Variants in SP100 observed in about 807,000 individuals in gnomAD.
SP100 encodes the protein nuclear autoantigen Sp-100.
In SP100, 84 loss-of-function variants were observed where a neutral mutation model predicts 130.0. The observed-to-expected ratio is 0.65, with a 90% CI of 0.54 to 0.77. The LOEUF (loss-of-function observed/expected upper bound fraction) is 0.77, where lower values mean the gene tolerates loss of function less well. Among genes scored for constraint, SP100 ranks in the 30% least tolerant of loss-of-function variants. The probability of loss-of-function intolerance (pLI) is 0.00; values close to 1 mark genes in which losing one functional copy is unlikely to be tolerated. For missense variants in SP100, 978 were observed against 1,052.2 expected, an observed-to-expected ratio of 0.93 and a Z score of 0.97; for synonymous variants, 331 against 351.7, an observed-to-expected ratio of 0.94 and a Z score of 0.66.
chr2:230,519,665 A>C (rs1001768673), intron 24 of SP100, among the ~76,000 whole-genome samples: 1 of 152,204 alleles, frequency 6.6e-6, no homozygotes, highest in Non-Finnish European at 1.5e-5. Flanking sequence ...AATCAGAAAT[A>C]GTGTGGGATG....
chr2:230,538,476 T>A (rs971368958), intron 24 of SP100: 1 of 152,214 alleles, frequency 6.6e-6, no homozygotes, highest in Non-Finnish European at 1.5e-5. Flanking sequence ...CCCTTGGAGA[T>A]GTGCCCAAGA....
intron 8 of SP100, among the ~76,000 whole-genome samples, chr2:230,454,238 C>T (rs1330885862): frequency 1.3e-5 from 2 of 151,920 alleles, no homozygotes; most frequent in African/African-American, 4.8e-5. Flanking sequence ...TTCAAAAAGC[C>T]AGTGCTTTGT....
intron 2 of SP100, among the ~76,000 whole-genome samples, chr2:230,426,115 T>G (rs910918569): frequency 6.6e-6 from 1 of 152,158 alleles, no homozygotes; most frequent in African/African-American, 2.4e-5. Context: ...ATTTATAAGT[T>G]TATTTATTTG....
chr2:230,517,443 G>A (rs1279925404), intron 24 of SP100, among the ~76,000 whole-genome samples: 1 of 152,000 alleles, frequency 6.6e-6, no homozygotes, highest in Non-Finnish European at 1.5e-5. Flanking sequence ...ACTTAATAAA[G>A]ACAATACAGG....
intron 3 of SP100, among the ~76,000 whole-genome samples, chr2:230,443,613 A>G (rs2063556345): frequency 6.6e-6 from 1 of 152,066 alleles, no homozygotes; most frequent in Non-Finnish European, 1.5e-5. Context: ...TCTCCAACAC[A>G]TTTGTTTTCT....
At chr2:230,504,123 T>G in intron 20 of SP100, 63 bp from the exon 21 acceptor site, 1 of 824,570 alleles carries the variant, frequency 1.2e-6, no homozygotes, top group Non-Finnish European at 2.1e-6. Context: ...TCAAGACAGG[T>G]GGGGAGGGAC....
intron 24 of SP100, among the ~76,000 whole-genome samples, chr2:230,530,488 C>T (rs993109483): frequency 6.6e-6 from 1 of 152,166 alleles, no homozygotes; most frequent in Admixed American, 6.5e-5. Context: ...TAGAAGAAAA[C>T]CTAGGCAATA....
intron 17 of SP100, among the ~76,000 whole-genome samples, chr2:230,485,888 G>T (rs1429568785): frequency 2.0e-5 from 3 of 152,112 alleles, no homozygotes; most frequent in Non-Finnish European, 4.4e-5. Context: ...TTTTTTAAAA[G>T]TCAACACTCT....
rs570862274 is a variant in SP100 at position 230,483,985 on chromosome 2, C to T, written c.1600+9538C>T. On this transcript the variant is annotated intron_variant, in intron 17 of 28. Transcript: ENST00000340126. ...TTATTACTATTGAACTCATATCCAACAGCACTATATCTCATGCCTGAACAA... is the reference window on the plus strand; with the variant it reads ...TTATTACTATTGAACTCATATCCAATAGCACTATATCTCATGCCTGAACAA... 2.3e-4 allele frequency among the ~76,000 whole-genome samples: 35 copies of T among 152,300 alleles called. No homozygotes were observed. The South Asian group carries it at 7.0e-3, about 31-fold the overall frequency.
intron 15 of SP100, 98 bp from the exon 16 acceptor site, chr2:230,473,226 T>A: frequency 1.4e-6 from 1 of 733,074 alleles, no homozygotes. Flanking sequence ...CATCCCTTAA[T>A]TTAGCTGTGG....
intron 11 of SP100, 52 bp downstream of exon 11, chr2:230,464,202 T>A (rs771990711): frequency 1.8e-6 from 2 of 1,102,068 alleles, no homozygotes; most frequent in Non-Finnish European, 2.8e-6. Context: ...AGAGTACAAA[T>A]CCAGAGCTCT....
Position 230,462,487 on chromosome 2 carries a change from A to T in SP100, c.1026A>T (p.Glu342Asp). The change falls in exon 10 of 29, where the codon GAA (glutamate) becomes GAT (aspartate). Residue 342 changes from glutamate to aspartate, a missense_variant. Transcript: ENST00000340126. Reference protein sequence around the residue: ...EGSTDVDEPLEVFISAPRSEP... With the variant: ...EGSTDVDEPLDVFISAPRSEP... ...CCACTGACGTTGATGAGCCCTTAGAAGTCTTCATCTCAGCACCGAGAAGTG... is the reference window on the plus strand; with the variant it reads ...CCACTGACGTTGATGAGCCCTTAGATGTCTTCATCTCAGCACCGAGAAGTG... 6.2e-7 allele frequency: 1 copy of T among 1,613,904 alleles called. No individual in the cohort carries two copies. The highest frequency in any genetic ancestry group is 8.5e-7 in the Non-Finnish European group (1 of 1,179,874).
rs373534387 is a variant in SP100, at chr2:230,511,657, G to A, written c.2094+491G>A. Among the ~76,000 whole-genome samples, 394 of 152,252 alleles carry A rather than the reference G, an allele frequency of 2.6e-3. 5 individuals carry two copies. Among genetic ancestry groups the A allele is most frequent in the South Asian group, 0.014 (69 of 4,826 alleles). ...GGACTCTGTCATTAGTTCTGCAGAG[G>A]AAGACACACACGAAAAGTGAGTCTC... On this transcript the variant is annotated intron_variant, in intron 24 of 28. Coordinates refer to ENST00000340126, the MANE Select transcript of SP100 (RefSeq NM_001080391.2).
chr2:230,526,519 G>A (rs1418517153), intron 24 of SP100, among the ~76,000 whole-genome samples: 1 of 152,176 alleles, frequency 6.6e-6, no homozygotes, highest in South Asian at 2.1e-4. Context: ...CCAAAGGATT[G>A]CAGCTCCTCA....
chr2:230,461,152 G>A (rs2064598443), intron 8 of SP100, 110 bp from the exon 9 acceptor site: 1 of 967,498 alleles, frequency 1.0e-6, no homozygotes, highest in Admixed American at 2.4e-5. Context: ...CACGGAGGTG[G>A]GGTGAAGGTC....
chr2:230,504,163 G>GA lies in SP100; in HGVS notation c.1766-14dup, dbSNP rs540239176. On this transcript the variant is annotated intron_variant, in intron 20 of 28. Transcript: ENST00000340126. The stretch of plus-strand genomic sequence containing the variant: ...CACAGTTGTAAAAGTAGATGGAATG[G>GA]AAAAAAAAATGCTTCCTTGCAGGTC... 1,426 of 1,331,474 alleles carry GA rather than the reference G, an allele frequency of 1.1e-3. 2 individuals are homozygous for GA. Among genetic ancestry groups the GA allele is most frequent in the African/African-American group, 3.3e-3 (223 of 68,166 alleles). The allele number at this position is 1,331,474 out of a possible 1,614,324, so 82.5% of individuals were successfully genotyped here. A position where few individuals can be genotyped will look rare whatever the true frequency, so the allele number is the denominator to read the frequency against.
At chr2:230,440,364 A>G in intron 2 of SP100, 1 of 292,720 alleles carries the variant, frequency 3.4e-6, no homozygotes, top group Non-Finnish European at 6.2e-6. Flanking sequence ...TATAATAGTA[A>G]TAAGGAATTT....
At chr2:230,449,460 C>A in intron 6 of SP100, 101 bp from the exon 7 acceptor site, 1 of 1,360,836 alleles carries the variant, frequency 7.3e-7, no homozygotes, top group Non-Finnish European at 1.1e-6. Flanking sequence ...GCCTTGGTGC[C>A]TTGACCTTAC....
At chr2:230,470,875 A>G (rs1171641555) in intron 15 of SP100, among the ~76,000 whole-genome samples, 1 of 152,180 alleles carries the variant, frequency 6.6e-6, no homozygotes, top group African/African-American at 2.4e-5. Flanking sequence ...CTGATGCAAG[A>G]AAGCTTATTT....
Sources: gnomAD v4.1 joint callset for allele counts (sites outside exome capture counted in the v4.1 genomes callset) on GRCh38, gnomAD v4.1.1 for gene constraint, MANE v1.5 for transcripts, NCBI Gene and HGNC (gene_info 2026-07-23, HGNC 2026-07-21) for gene names.